Variants in SEC24C observed in about 807,000 individuals in gnomAD.
The protein encoded by SEC24C is protein transport protein Sec24C.
SEC24C carries 22 observed loss-of-function variants against 117.0 expected under a neutral mutation model. The observed-to-expected ratio is 0.19, with a 90% CI of 0.13 to 0.27. The LOEUF (loss-of-function observed/expected upper bound fraction) is 0.27, where lower values mean the gene tolerates loss of function less well. Ranked by LOEUF, SEC24C falls within the 10% of genes least tolerant of loss-of-function variation. The pLI is 1.00. For missense variants in SEC24C, 1,155 were observed against 1,375.1 expected (o/e 0.84, Z 2.53); for synonymous variants, 506 against 529.4 (o/e 0.96, Z 0.61).
In SEC24C at chr10:73,747,004, G is replaced by A. The variant is rs1487170387; in HGVS notation, c.172G>A (p.Gly58Ser). ...AGGCTATCAGCAAACACCTCCCCAA[G>A]GTATGTTTCTGTTTCTGTTTCCTTT... ...VPGYQQTPPQGMSRAPPSSGA... is the reference protein window; with the variant it reads ...VPGYQQTPPQSMSRAPPSSGA... The change falls in exon 2 of 23, where the codon GGT (glycine) becomes AGT (serine). Residue 58 changes from glycine to serine, a missense_variant and splice_region_variant. This residue lies in a region of SEC24C where 396 missense variants were observed against 382.8 expected (regional missense o/e 1.03). Transcript: ENST00000345254. 3 of 1,609,990 alleles carry A rather than the reference G, an allele frequency of 1.9e-6. No homozygotes were observed. The highest frequency in any genetic ancestry group is 2.5e-6 in the Non-Finnish European group (3 of 1,177,960).
intron 3 of SEC24C, among the ~76,000 whole-genome samples, chr10:73,756,944 T>C (rs2132540649): frequency 8.1e-6 from 1 of 123,892 alleles, no homozygotes; most frequent in South Asian, 2.9e-4. Flanking sequence ...GAAGTCTCGC[T>C]CTGTCACCCA....
intron 15 of SEC24C, 77 bp downstream of exon 15, chr10:73,768,084 T>G: frequency 7.2e-7 from 1 of 1,391,506 alleles, no homozygotes; most frequent in Non-Finnish European, 9.9e-7. Flanking sequence ...GCTGACTCAT[T>G]AATAGAAATA....
Position 73,756,899 on chromosome 10 carries a change from A to ATT in SEC24C, c.309-2695_309-2694dup, listed in dbSNP as rs1172846982. Among the ~76,000 whole-genome samples, 204 of 41,922 alleles carry ATT rather than the reference A, an allele frequency of 4.9e-3. 12 individuals are homozygous for ATT. The highest frequency in any genetic ancestry group is 0.019 in the African/African-American group (188 of 9,706). 27.5% of individuals were successfully genotyped at this position (41,922 alleles called of 152,430 possible). On this transcript the variant is annotated intron_variant, in intron 3 of 22. Transcript: ENST00000345254. Reference sequence around the variant, plus strand: ...AGGTGTGAGTCACTGTTCCTGGCCAATTTTTTTTTTTTTTTTTTTTTTTTT... The same window carrying ATT: ...AGGTGTGAGTCACTGTTCCTGGCCAATTTTTTTTTTTTTTTTTTTTTTTTTTT...
At position 73,770,263 on chromosome 10, in the gene SEC24C, C is replaced by T. The variant is rs201227405; in HGVS notation, c.2863-17C>T. Reference sequence around the variant, plus strand: ...TTATGGTCCTTGGTAACCTTTTGCTCCCTTCCTTTTGTCTAGACAAAGTCT... The same window carrying T: ...TTATGGTCCTTGGTAACCTTTTGCTTCCTTCCTTTTGTCTAGACAAAGTCT... On this transcript the variant is annotated splice_polypyrimidine_tract_variant and intron_variant, in intron 20 of 22. Transcript: ENST00000345254. 23 of 1,584,290 alleles carry T rather than the reference C, an allele frequency of 1.5e-5. No individual in the cohort carries two copies. In the African/African-American group the frequency reaches 2.9e-4, roughly 20 times the overall value.
At chr10:73,757,530 A>AC (rs2082728670) in intron 3 of SEC24C, among the ~76,000 whole-genome samples, 1 of 150,620 alleles carries the variant, frequency 6.6e-6, no homozygotes, top group East Asian at 2.0e-4. Flanking sequence ...AAAAAAAAAA[A>AC]AATCAATCTA....
intron 3 of SEC24C, among the ~76,000 whole-genome samples, chr10:73,758,934 G>A (rs2082753033): frequency 6.6e-6 from 1 of 152,148 alleles, no homozygotes; most frequent in African/African-American, 2.4e-5. Flanking sequence ...TGAATGGAAA[G>A]TATATTGGAA....
At chr10:73,765,426 T>C (rs376748046) in intron 8 of SEC24C, 25 bp from the exon 9 acceptor site, 91 of 1,601,374 alleles carry the variant, frequency 5.7e-5, no homozygotes, top group Middle Eastern at 5.2e-4. Flanking sequence ...CCTTTATGTC[T>C]GATCCCTTCC....
chr10:73,765,756 T>C (rs2082872809), intron 9 of SEC24C, 44 bp from the exon 10 acceptor site: 1 of 1,588,844 alleles, frequency 6.3e-7, no homozygotes, highest in Non-Finnish European at 8.6e-7. Context: ...AATACTAAGA[T>C]TGAAACTGGA....
At position 73,762,091 on chromosome 10, in the gene SEC24C, C is replaced by T. The variant is rs2082806091; in HGVS notation, c.987+1242C>T. On this transcript the variant is annotated intron_variant, in intron 6 of 22. Coordinates refer to ENST00000345254, the MANE Select transcript of SEC24C (RefSeq NM_198597.3). ...CCCTGCTGCATTTATTATTAAAACA[C>T]TAAAAGCAACTCAGTGAGCTGCCTC... 2.3e-6 allele frequency: 3 copies of T among 1,288,968 alleles called. No homozygotes were observed. In the Admixed American group the frequency reaches 6.9e-5, roughly 30 times the overall value. 79.8% of individuals were successfully genotyped at this position (1,288,968 alleles called of 1,614,324 possible).
At chr10:73,762,890 TCTC>T (rs2082818633) in intron 6 of SEC24C, among the ~76,000 whole-genome samples, 1 of 152,156 alleles carries the variant, frequency 6.6e-6, no homozygotes, top group African/African-American at 2.4e-5. Context: ...ATTGGGTACT[TCTC>T]CTCTCCTCCT....
At chr10:73,767,226 G>T in intron 14 of SEC24C, 56 bp downstream of exon 14, 1 of 1,178,444 alleles carries the variant, frequency 8.5e-7, no homozygotes, top group Non-Finnish European at 1.3e-6. Context: ...AGGAAGTGGG[G>T]ACTCTACTTT....
At chr10:73,751,318 T>C in intron 3 of SEC24C, 75 bp downstream of exon 3, 1 of 1,459,838 alleles carries the variant, frequency 6.9e-7, no homozygotes. Flanking sequence ...CCCAGCACTT[T>C]GGGAGGCTGA....
intron 2 of SEC24C, among the ~76,000 whole-genome samples, chr10:73,747,655 ATTTTTT>A (rs774177202): frequency 3.6e-5 from 3 of 84,024 alleles, no homozygotes. Context: ...CCTGGCCTGT[ATTTTTT>A]TTTTTTTTTT....
rs1344561422 is a variant in SEC24C, at chr10:73,770,317, C to T, written c.2900C>T (p.Ala967Val). 4 of 1,613,026 alleles carry T rather than the reference C, an allele frequency of 2.5e-6. No individual in the cohort carries two copies. Among genetic ancestry groups the T allele is most frequent in the Non-Finnish European group, 3.4e-6 (4 of 1,179,540 alleles). The change falls in exon 21 of 23, where the codon GCA becomes GTA. Residue 967 changes from alanine to valine, a missense_variant. Coordinates refer to ENST00000345254, the MANE Select transcript of SEC24C (RefSeq NM_198597.3). ...GTTGAGAGTACTACCGAACCACCAG[C>T]AGTTCGAGCCTCTGAAGAGCGTCTA... ...SPVESTTEPP[A>V]VRASEERLSN...
intron 1 of SEC24C, among the ~76,000 whole-genome samples, chr10:73,744,972 T>C (rs910217817): frequency 3.3e-5 from 4 of 120,126 alleles, no homozygotes; most frequent in Non-Finnish European, 5.8e-5. Context: ...AGAGGACATA[T>C]TTTAAACTTA....
Position 73,757,934 on chromosome 10 carries a change from A to C in SEC24C, c.309-1688A>C, listed in dbSNP as rs977660343. On this transcript the variant is annotated intron_variant, in intron 3 of 22. Coordinates refer to ENST00000345254, the MANE Select transcript of SEC24C (RefSeq NM_198597.3). ...AGACCCTGTCTCAAAAAAAAAAAAAAAAAAAAAAAAAAAACGTAAGGCTGG... is the reference window on the plus strand; with the variant it reads ...AGACCCTGTCTCAAAAAAAAAAAAACAAAAAAAAAAAAAACGTAAGGCTGG... Among the ~76,000 whole-genome samples, 35 of 150,094 alleles carry C rather than the reference A, an allele frequency of 2.3e-4. No individual in the cohort carries two copies. In the South Asian group the frequency reaches 4.2e-3, roughly 18 times the overall value.
intron 14 of SEC24C, 23 bp from the exon 15 acceptor site, chr10:73,767,814 C>T (rs756606235): frequency 4.5e-6 from 7 of 1,565,570 alleles, no homozygotes; most frequent in Non-Finnish European, 6.1e-6. Flanking sequence ...ACATTTTCTT[C>T]TCCCCATTTT....
At chr10:73,762,153 C>T in intron 6 of SEC24C, 5 of 1,289,776 alleles carry the variant, frequency 3.9e-6, no homozygotes, top group Non-Finnish European at 3.0e-6. Context: ...GACCCCGATG[C>T]CATTCCTAGT....
chr10:73,746,205 A>T (rs1319660917), intron 1 of SEC24C, among the ~76,000 whole-genome samples: 1 of 150,692 alleles, frequency 6.6e-6, no homozygotes, highest in Non-Finnish European at 1.5e-5. Flanking sequence ...AGGTCCATAC[A>T]CTCTTTTGGT....
Sources: allele counts gnomAD v4.1 joint callset (sites outside exome capture counted in the v4.1 genomes callset), GRCh38; gene constraint gnomAD v4.1.1; regional missense constraint gnomAD v4.1.1; transcripts MANE v1.5; gene names NCBI Gene and HGNC (gene_info 2026-07-23, HGNC 2026-07-21).